KATNAL1: variants seen among roughly 807,000 people sequenced by gnomAD.
KATNAL1 encodes katanin catalytic subunit A1 like 1, also known as katanin p60 ATPase-containing subunit A-like 1.
In KATNAL1, 32 loss-of-function variants were observed where a neutral mutation model predicts 55.2. That is an observed-to-expected ratio of 0.58 (90% CI 0.44 to 0.78). KATNAL1 has a LOEUF of 0.78. KATNAL1 is among the 30% of genes least tolerant of loss of function. The pLI, the probability that KATNAL1 is intolerant of heterozygous loss-of-function variation, is 0.00. For missense variants in KATNAL1, 466 were observed against 600.9 expected (o/e 0.78, Z 2.35); for synonymous variants, 193 against 193.6 (o/e 1.00, Z 0.02).
rs9506281 is a variant in KATNAL1, at chr13:30,292,907, T to C, written c.-14-9116A>G. ...CCTAATACATTTTAGGTTTCAATAT[T>C]AGGTTAAGAAGACTGAAGTCATTTA... On this transcript the variant is annotated intron_variant, in intron 1 of 10. Coordinates refer to ENST00000380615, the MANE Select transcript of KATNAL1 (RefSeq NM_032116.5). Among the ~76,000 whole-genome samples, 1,348 of 152,308 alleles carry C rather than the reference T, an allele frequency of 8.9e-3. 5 individuals are homozygous for C. The highest frequency in any genetic ancestry group is 0.031 in the Middle Eastern group (9 of 294).
chr13:30,290,326 GA>G (rs1364301968), intron 1 of KATNAL1, among the ~76,000 whole-genome samples: 77 of 142,964 alleles, frequency 5.4e-4, no homozygotes, highest in South Asian at 6.5e-4. Flanking sequence ...AGGAAAGAGA[GA>G]AAAAAAAAAA....
intron 1 of KATNAL1, chr13:30,296,515 A>G: frequency 2.7e-6 from 2 of 733,816 alleles, no homozygotes; most frequent in Admixed American, 1.8e-5. Context: ...TGCATTGCCT[A>G]CTGGGGCCTC....
intron 8 of KATNAL1, 70 bp downstream of exon 8, chr13:30,230,398 C>T: frequency 7.2e-7 from 1 of 1,388,364 alleles, no homozygotes; most frequent in Non-Finnish European, 9.9e-7. Flanking sequence ...TCTAATCCAT[C>T]CATTGATTAT....
At position 30,247,973 on chromosome 13, in the gene KATNAL1, T is replaced by C. The variant is rs182741290; in HGVS notation, c.493-6887A>G. 5.3e-5 allele frequency among the ~76,000 whole-genome samples: 8 copies of C among 152,272 alleles called. No homozygotes were observed. The East Asian group carries it at 1.5e-3, about 29-fold the overall frequency. ...GCTATTAAGGCCCCACATTTAATCT[T>C]ACCATATAAGAAATACCAAATACCA... On this transcript the variant is annotated intron_variant, in intron 4 of 10. Coordinates refer to ENST00000380615, the MANE Select transcript of KATNAL1 (RefSeq NM_032116.5).
At chr13:30,277,221 T>C (rs933721323) in intron 3 of KATNAL1, among the ~76,000 whole-genome samples, 2 of 152,260 alleles carry the variant, frequency 1.3e-5, no homozygotes, top group Non-Finnish European at 2.9e-5. Flanking sequence ...TTAACTGTTA[T>C]TCTTGCTATT....
At chr13:30,301,305 T>C (rs955961439) in intron 1 of KATNAL1, among the ~76,000 whole-genome samples, 11 of 151,992 alleles carry the variant, frequency 7.2e-5, no homozygotes, top group African/African-American at 1.9e-4. Flanking sequence ...GAGACGGAGG[T>C]TGCAGTGAGC....
At chr13:30,306,758 A>C (rs1302761497) in intron 1 of KATNAL1, 1 of 152,272 alleles carries the variant, frequency 6.6e-6, no homozygotes, top group Non-Finnish European at 1.5e-5. Context: ...TGTGTGACAT[A>C]CATACGGTTC....
chr13:30,267,763 C>G (rs1374741806), intron 3 of KATNAL1, among the ~76,000 whole-genome samples: 2 of 152,032 alleles, frequency 1.3e-5, no homozygotes, highest in African/African-American at 4.8e-5. Context: ...AGTGAAATAC[C>G]TAACAGCCAA....
At chr13:30,233,634 A>T (rs1327249801) in intron 6 of KATNAL1, among the ~76,000 whole-genome samples, 2 of 152,080 alleles carry the variant, frequency 1.3e-5, no homozygotes, top group Admixed American at 6.6e-5. Flanking sequence ...TCGAAGAATT[A>T]TTTGCACTCC....
At chr13:30,219,645 TAAAAG>T (rs1874649365) in intron 9 of KATNAL1, among the ~76,000 whole-genome samples, 1 of 152,176 alleles carries the variant, frequency 6.6e-6, no homozygotes, top group African/African-American at 2.4e-5. Context: ...TTAATATAGA[TAAAAG>T]AAAAAGAATG....
rs969916923 is a variant in KATNAL1, at chr13:30,280,176, G to A, written c.210C>T (p.Val70=). The change falls in exon 3 of 11, where the codon GTC becomes GTT. Residue 70 remains valine, a synonymous_variant. Transcript: ENST00000380615. ...CAATTTTAAAACTTTCTAAAGTGCT[G>A]ACAATACTTTTAACTTGTTCATATT... ...LEEYEQVKSI[V]STLESFKIDK... 3.7e-6 allele frequency: 6 copies of A among 1,611,850 alleles called. No homozygotes were observed. In the Admixed American group the frequency reaches 8.4e-5, roughly 23 times the overall value.
chr13:30,295,847 C>T (rs895058281), intron 1 of KATNAL1, among the ~76,000 whole-genome samples: 2 of 152,082 alleles, frequency 1.3e-5, no homozygotes, highest in Non-Finnish European at 2.9e-5. Flanking sequence ...TAATTGCATG[C>T]TATGGAGAAA....
chr13:30,293,393 C>A (rs969736199), intron 1 of KATNAL1, among the ~76,000 whole-genome samples: 1 of 152,132 alleles, frequency 6.6e-6, no homozygotes, highest in East Asian at 1.9e-4. Context: ...ACTGTGTACA[C>A]CCCGGCAACA....
At chr13:30,210,593 C>A in intron 9 of KATNAL1, 151 bp from the exon 10 acceptor site, 2 of 344,678 alleles carry the variant, frequency 5.8e-6, no homozygotes, top group Admixed American at 4.9e-5. Context: ...CAATTCACTG[C>A]ATGACTCATG....
intron 3 of KATNAL1, among the ~76,000 whole-genome samples, chr13:30,279,655 C>T (rs1419260836): frequency 6.6e-6 from 1 of 152,188 alleles, no homozygotes; most frequent in Non-Finnish European, 1.5e-5. Context: ...TCCTTCTACA[C>T]TAAAACTCTG....
intron 1 of KATNAL1, among the ~76,000 whole-genome samples, chr13:30,293,312 T>C (rs563571577): frequency 1.3e-5 from 2 of 152,268 alleles, no homozygotes; most frequent in African/African-American, 2.4e-5. Context: ...TCCTTTTTTA[T>C]TGAGGTATAT....
At chr13:30,290,404 A>G (rs910605570) in intron 1 of KATNAL1, among the ~76,000 whole-genome samples, 2 of 152,228 alleles carry the variant, frequency 1.3e-5, no homozygotes, top group South Asian at 2.1e-4. Flanking sequence ...CTGAAAGACA[A>G]AAGAGAGTTT....
At chr13:30,269,348 T>A (rs1197796949) in intron 3 of KATNAL1, among the ~76,000 whole-genome samples, 1 of 152,224 alleles carries the variant, frequency 6.6e-6, no homozygotes, top group African/African-American at 2.4e-5. Context: ...CCTCCCGAGG[T>A]GCCGGGATTG....
In KATNAL1 at chr13:30,256,059, T is replaced by C. The variant is rs1878758470; in HGVS notation, c.324-444A>G. ...AGTCTATTTGTACAGTTTACTAATTTCTGTTTTACAACCAAGATGATTTTC... is the reference window on the plus strand; with the variant it reads ...AGTCTATTTGTACAGTTTACTAATTCCTGTTTTACAACCAAGATGATTTTC... On this transcript the variant is annotated intron_variant, in intron 3 of 10. Transcript: ENST00000380615. Among the ~76,000 whole-genome samples the C allele has an allele frequency of 2.6e-5, 4 of 152,364 alleles. No individual in the cohort carries two copies. In the South Asian group the frequency reaches 8.3e-4, roughly 32 times the overall value.
Sources: allele counts gnomAD v4.1 joint callset (sites outside exome capture counted in the v4.1 genomes callset), GRCh38; gene constraint gnomAD v4.1.1; transcripts MANE v1.5; gene names NCBI Gene and HGNC (gene_info 2026-07-23, HGNC 2026-07-21).